Variants in CNTN3 observed in about 807,000 individuals in gnomAD.
CNTN3 encodes contactin-3.
CNTN3 carries 60 observed loss-of-function variants against 119.1 expected under a neutral mutation model. That is an observed-to-expected ratio of 0.50 (90% CI 0.41 to 0.62). CNTN3 has a LOEUF of 0.62. CNTN3 is among the 20% of genes least tolerant of loss of function. CNTN3 has a pLI of 0.00. For synonymous variants in CNTN3, 450 were observed against 438.7 expected (o/e 1.03, Z -0.32); for missense variants, 1,101 against 1,242.4 (o/e 0.89, Z 1.71).
intron 11 of CNTN3, among the ~76,000 whole-genome samples, chr3:74,337,225 T>C (rs1180290209): frequency 2.0e-5 from 3 of 152,102 alleles, no homozygotes. Flanking sequence ...AAACCTTACC[T>C]TAGAGTTTCT....
intron 4 of CNTN3, among the ~76,000 whole-genome samples, chr3:74,448,509 T>C (rs1166183859): frequency 2.0e-5 from 3 of 152,170 alleles, no homozygotes; most frequent in Non-Finnish European, 2.9e-5. Flanking sequence ...GTATGTAGCA[T>C]GTAGAGTGTA....
At chr3:74,508,363 T>C (rs561404555) in intron 2 of CNTN3, among the ~76,000 whole-genome samples, 166 of 152,280 alleles carry the variant, frequency 1.1e-3, no homozygotes, top group Non-Finnish European at 1.4e-3. Context: ...TACCAGTCTC[T>C]GGCAGTTCTT....
chr3:74,610,654 T>TA lies in CNTN3; in HGVS notation c.-81+3736dup, dbSNP rs144386416. Among the ~76,000 whole-genome samples, 890 of 147,152 alleles carry TA rather than the reference T, an allele frequency of 6.0e-3. 7 individuals are homozygous for TA. Among genetic ancestry groups the TA allele is most frequent in the East Asian group, 0.028 (140 of 5,030 alleles). On this transcript the variant is annotated intron_variant, in intron 1 of 22. Coordinates refer to ENST00000263665, the MANE Select transcript of CNTN3 (RefSeq NM_020872.3). ...AGATGAGTACTAATTTAACTTACAT[T>TA]AAAAAAAAAAGAAGTCTTGGCTGCT...
chr3:74,284,219 AG>A (rs1302973457), intron 20 of CNTN3, among the ~76,000 whole-genome samples: 1 of 152,206 alleles, frequency 6.6e-6, no homozygotes, highest in Non-Finnish European at 1.5e-5. Flanking sequence ...TAGACAAAAA[AG>A]TATGTTTTCA....
chr3:74,357,705 T>C (rs1436099357), intron 11 of CNTN3, among the ~76,000 whole-genome samples: 1 of 152,162 alleles, frequency 6.6e-6, no homozygotes, highest in African/African-American at 2.4e-5. Context: ...GTGGCCTCTA[T>C]GTTAGGCTAG....
intron 1 of CNTN3, among the ~76,000 whole-genome samples, chr3:74,588,190 T>C (rs960891836): frequency 6.6e-6 from 1 of 152,074 alleles, no homozygotes; most frequent in African/African-American, 2.4e-5. Flanking sequence ...TTTGCCAGTA[T>C]TTTATTGAGG....
intron 5 of CNTN3, among the ~76,000 whole-genome samples, chr3:74,424,195 C>T (rs1701658456): frequency 6.6e-6 from 1 of 152,014 alleles, no homozygotes; most frequent in Non-Finnish European, 1.5e-5. Context: ...CAAACCAGCA[C>T]CCCAGGCTCA....
chr3:74,383,643 C>T (rs2106815588), intron 5 of CNTN3, among the ~76,000 whole-genome samples: 1 of 152,150 alleles, frequency 6.6e-6, no homozygotes, highest in South Asian at 2.1e-4. Flanking sequence ...TGCCATGACG[C>T]CTGGCTAATT....
At chr3:74,378,889 G>A (rs1029047535) in intron 5 of CNTN3, among the ~76,000 whole-genome samples, 1 of 152,086 alleles carries the variant, frequency 6.6e-6, no homozygotes, top group Non-Finnish European at 1.5e-5. Context: ...CCTACACGAA[G>A]CTTCACAAAG....
intron 4 of CNTN3, among the ~76,000 whole-genome samples, chr3:74,467,084 AT>A (rs992055731): frequency 1.3e-5 from 2 of 152,082 alleles, no homozygotes; most frequent in African/African-American, 2.4e-5. Context: ...AGCAAATATA[AT>A]TTTTTTCAAA....
At chr3:74,462,904 T>C (rs74776754) in intron 4 of CNTN3, among the ~76,000 whole-genome samples, 3,442 of 152,252 alleles carry the variant, frequency 0.023, 134 homozygotes, top group African/African-American at 0.077. Flanking sequence ...AAACTTTTCA[T>C]ATTCTTCCAT....
chr3:74,412,095 G>A (rs966967193), intron 5 of CNTN3, among the ~76,000 whole-genome samples: 2 of 152,106 alleles, frequency 1.3e-5, no homozygotes, highest in Non-Finnish European at 2.9e-5. Context: ...GTTTACTTTG[G>A]GGAACATGAT....
At chr3:74,300,582 G>A (rs1307452043) in intron 16 of CNTN3, among the ~76,000 whole-genome samples, 1 of 152,120 alleles carries the variant, frequency 6.6e-6, no homozygotes, top group African/African-American at 2.4e-5. Flanking sequence ...CAGAACACCA[G>A]GGCAAGCACA....
At chr3:74,482,488 T>G in intron 4 of CNTN3, among the ~76,000 whole-genome samples, 1 of 152,030 alleles carries the variant, frequency 6.6e-6, no homozygotes, top group East Asian at 1.9e-4. Flanking sequence ...TGTATGGCCT[T>G]TTCACTTTCA....
At chr3:74,391,425 T>C (rs1704897868) in intron 5 of CNTN3, among the ~76,000 whole-genome samples, 1 of 152,096 alleles carries the variant, frequency 6.6e-6, no homozygotes, top group Middle Eastern at 3.2e-3. Context: ...TTCCCAACTG[T>C]AACATGGGGA....
intron 4 of CNTN3, among the ~76,000 whole-genome samples, chr3:74,436,048 C>T (rs1701860725): frequency 6.6e-6 from 1 of 152,224 alleles, no homozygotes; most frequent in African/African-American, 2.4e-5. Context: ...TCCTAACATT[C>T]ATTCAATTAT....
At chr3:74,570,606 C>A (rs1348832140) in intron 1 of CNTN3, among the ~76,000 whole-genome samples, 1 of 150,894 alleles carries the variant, frequency 6.6e-6, no homozygotes, top group African/African-American at 2.4e-5. Flanking sequence ...TACAGACTGG[C>A]AATTTTTTGA....
chr3:74,341,235 A>C (rs1328578697), intron 11 of CNTN3, among the ~76,000 whole-genome samples: 1 of 152,200 alleles, frequency 6.6e-6, no homozygotes, highest in South Asian at 2.1e-4. Flanking sequence ...TATTCAGTAA[A>C]TGAATGGAGT....
At chr3:74,344,386 C>G (rs1190237578) in intron 11 of CNTN3, among the ~76,000 whole-genome samples, 1 of 137,254 alleles carries the variant, frequency 7.3e-6, no homozygotes, top group Admixed American at 7.4e-5. Context: ...CATTTACAAC[C>G]TTACACAGTG....
Sources: gnomAD v4.1 joint callset for allele counts (sites outside exome capture counted in the v4.1 genomes callset) on GRCh38, gnomAD v4.1.1 for gene constraint, MANE v1.5 for transcripts, NCBI Gene and HGNC (gene_info 2026-07-23, HGNC 2026-07-21) for gene names.